The following INPP4B variants were observed in gnomAD, a reference collection of about 807,000 sequenced individuals.
INPP4B encodes inositol polyphosphate 4-phosphatase type II.
INPP4B carries 55 observed loss-of-function variants against 122.5 expected under a neutral mutation model. The ratio of observed to expected loss-of-function variants is 0.45; its 90% CI spans 0.36 to 0.56. The LOEUF (loss-of-function observed/expected upper bound fraction) is 0.56. INPP4B is among the 20% of genes least tolerant of loss of function. The pLI is 0.00. For missense variants in INPP4B, 1,000 were observed against 1,097.7 expected (o/e 0.91, Z 1.26); for synonymous variants, 403 against 388.7 (o/e 1.04, Z -0.43).
rs551543786 is a variant in INPP4B at position 142,334,031 on chromosome 4, T to A, written c.373-19269A>T. Reference sequence around the variant, plus strand: ...ATCATCTTCCCATTTCCTCCTCCCCTCAGCCCCTGCCAAATACCATTCTAA... The same window carrying A: ...ATCATCTTCCCATTTCCTCCTCCCCACAGCCCCTGCCAAATACCATTCTAA... On this transcript the variant is annotated intron_variant, in intron 7 of 25. Coordinates refer to ENST00000262992, the MANE Select transcript of INPP4B (RefSeq NM_001101669.3). Among the ~76,000 whole-genome samples, 5 of 152,260 alleles carry A rather than the reference T, an allele frequency of 3.3e-5. No individual in the cohort carries two copies. The East Asian group carries it at 9.7e-4, about 29-fold the overall frequency.
rs138204900 is a variant in INPP4B, at chr4:142,448,411, C to T, written c.-127+14252G>A. On this transcript the variant is annotated intron_variant, in intron 3 of 25. Coordinates refer to ENST00000262992, the MANE Select transcript of INPP4B (RefSeq NM_001101669.3). Reference sequence around the variant, plus strand: ...AAACTTTCAATAGTGAAGCATTAAACTTGTTCACGTCACAACAATGTCACA... The same window carrying T: ...AAACTTTCAATAGTGAAGCATTAAATTTGTTCACGTCACAACAATGTCACA... Among the ~76,000 whole-genome samples the T allele has an allele frequency of 1.9e-3, 275 of 143,364 alleles. 8 individuals are homozygous for T. The East Asian group carries it at 0.057, about 30-fold the overall frequency. 94.1% of individuals were successfully genotyped at this position (143,364 alleles called of 152,430 possible).
At chr4:142,206,020 G>A (rs1350083840) in intron 14 of INPP4B, among the ~76,000 whole-genome samples, 3 of 152,002 alleles carry the variant, frequency 2.0e-5, no homozygotes, top group Non-Finnish European at 2.9e-5. Flanking sequence ...TAACAGTTCC[G>A]GAGGCTAGGA....
chr4:142,270,637 G>A, intron 10 of INPP4B, 26 bp downstream of exon 10: 1 of 1,391,540 alleles, frequency 7.2e-7, no homozygotes, highest in Non-Finnish European at 1.0e-6. Flanking sequence ...AATTTAATTT[G>A]TACAATGAGC....
chr4:142,240,677 G>A (rs936637438), intron 11 of INPP4B, among the ~76,000 whole-genome samples: 2 of 152,046 alleles, frequency 1.3e-5, no homozygotes, highest in African/African-American at 4.8e-5. Context: ...AGATATAATG[G>A]AATCTACTTT....
At chr4:142,240,939 C>T (rs561716157) in intron 11 of INPP4B, among the ~76,000 whole-genome samples, 24 of 151,938 alleles carry the variant, frequency 1.6e-4, no homozygotes, top group Non-Finnish European at 2.9e-5. Context: ...AAGAAAGGCA[C>T]GGTACTCATG....
intron 2 of INPP4B, among the ~76,000 whole-genome samples, chr4:142,639,453 G>A (rs1182683165): frequency 6.6e-6 from 1 of 152,102 alleles, no homozygotes; most frequent in African/African-American, 2.4e-5. Context: ...TCTTGTGTGA[G>A]TTTTGGCAGA....
chr4:142,688,553 G>A (rs1759707527), intron 2 of INPP4B, among the ~76,000 whole-genome samples: 1 of 152,092 alleles, frequency 6.6e-6, no homozygotes. Context: ...AGAAAATTAT[G>A]AGTGTAAAAG....
intron 21 of INPP4B, among the ~76,000 whole-genome samples, chr4:142,121,662 TG>T (rs1312865335): frequency 6.6e-6 from 1 of 152,266 alleles, no homozygotes; most frequent in Non-Finnish European, 1.5e-5. Context: ...GAGAGTGAAT[TG>T]TCAAAAATAA....
intron 18 of INPP4B, among the ~76,000 whole-genome samples, chr4:142,130,415 C>T (rs553159152): frequency 5.9e-5 from 9 of 151,984 alleles, no homozygotes; most frequent in Non-Finnish European, 1.2e-4. Context: ...GGAATAAAAC[C>T]AATGGGAGTC....
intron 1 of INPP4B, among the ~76,000 whole-genome samples, chr4:142,781,872 A>G (rs1005482164): frequency 9.2e-5 from 14 of 152,124 alleles, no homozygotes; most frequent in African/African-American, 3.4e-4. Context: ...ACTGCCCTTT[A>G]AAGAATTACT....
At chr4:142,757,924 A>G (rs1770737948) in intron 1 of INPP4B, among the ~76,000 whole-genome samples, 1 of 152,166 alleles carries the variant, frequency 6.6e-6, no homozygotes, top group Admixed American at 6.6e-5. Context: ...AAATGACAAT[A>G]TCTGGGCCCA....
intron 2 of INPP4B, among the ~76,000 whole-genome samples, chr4:142,561,799 A>T (rs758761336): frequency 5.9e-5 from 9 of 152,212 alleles, no homozygotes; most frequent in Non-Finnish European, 1.3e-4. Context: ...TTCAATATCG[A>T]ATTCAATATT....
intron 7 of INPP4B, among the ~76,000 whole-genome samples, chr4:142,399,052 TTTG>T (rs1800704807): frequency 6.6e-6 from 1 of 152,104 alleles, no homozygotes; most frequent in Non-Finnish European, 1.5e-5. Flanking sequence ...TGTTTGCAGA[TTTG>T]ATGGCTGTCC....
intron 2 of INPP4B, among the ~76,000 whole-genome samples, chr4:142,631,184 G>A (rs1747870808): frequency 6.6e-6 from 1 of 152,134 alleles, no homozygotes; most frequent in African/African-American, 2.4e-5. Context: ...AAGTGACTAA[G>A]CTTATTATGT....
chr4:142,696,246 G>C (rs1018257924), intron 2 of INPP4B, among the ~76,000 whole-genome samples: 1 of 152,072 alleles, frequency 6.6e-6, no homozygotes, highest in Non-Finnish European at 1.5e-5. Flanking sequence ...ATAAGACAGA[G>C]AGTGTGCCTG....
intron 2 of INPP4B, among the ~76,000 whole-genome samples, chr4:142,494,633 C>T (rs1560721201): frequency 2.6e-5 from 4 of 152,242 alleles, no homozygotes; most frequent in Middle Eastern, 3.4e-3. Flanking sequence ...CTTTCCAAAA[C>T]TTTAAAGATA....
intron 1 of INPP4B, among the ~76,000 whole-genome samples, chr4:142,816,472 C>T (rs1205229052): frequency 6.6e-6 from 1 of 151,876 alleles, no homozygotes; most frequent in Admixed American, 6.6e-5. Context: ...GAGTTAGTAA[C>T]GATCTTAAAG....
At chr4:142,633,100 T>C (rs1487268611) in intron 2 of INPP4B, among the ~76,000 whole-genome samples, 1 of 151,908 alleles carries the variant, frequency 6.6e-6, no homozygotes, top group East Asian at 1.9e-4. Flanking sequence ...GGTATAATCA[T>C]ATAATTATCA....
At chr4:142,777,045 C>T (rs888961281) in intron 1 of INPP4B, among the ~76,000 whole-genome samples, 3 of 152,134 alleles carry the variant, frequency 2.0e-5, no homozygotes, top group Admixed American at 1.3e-4. Flanking sequence ...GCCTTCTTTA[C>T]ACTCATGAAT....
Sources: allele counts gnomAD v4.1 joint callset (sites outside exome capture counted in the v4.1 genomes callset), GRCh38; gene constraint gnomAD v4.1.1; transcripts MANE v1.5; gene names NCBI Gene and HGNC (gene_info 2026-07-23, HGNC 2026-07-21).